The following PLXDC2 variants were observed in gnomAD, a reference collection of about 807,000 sequenced individuals.
The protein encoded by PLXDC2 is plexin domain-containing protein 2.
Under a neutral mutation model 68.9 loss-of-function variants are expected in PLXDC2, and 40 were observed. The observed-to-expected ratio is 0.58, with a 90% CI of 0.45 to 0.76. The LOEUF is 0.76. Among genes scored for constraint, PLXDC2 ranks in the 30% least tolerant of loss-of-function variants. The pLI, the probability that PLXDC2 is intolerant of heterozygous loss-of-function variation, is 0.00. For synonymous variants in PLXDC2, 243 were observed against 234.2 expected, an observed-to-expected ratio of 1.04 and a Z score of -0.34; for missense variants, 644 against 661.9, an observed-to-expected ratio of 0.97 and a Z score of 0.30.
chr10:20,055,924 G>A (rs7913118), intron 3 of PLXDC2, among the ~76,000 whole-genome samples: 113,808 of 151,984 alleles, frequency 0.75, 43,153 homozygotes, highest in East Asian at 0.89. Flanking sequence ...GGTGTGTTCT[G>A]GTCTTCAACT....
chr10:19,897,600 A>T (rs1209328601), intron 1 of PLXDC2, among the ~76,000 whole-genome samples: 1 of 152,196 alleles, frequency 6.6e-6, no homozygotes, highest in African/African-American at 2.4e-5. Flanking sequence ...AACAGAAAAC[A>T]TAAGTACATG....
intron 1 of PLXDC2, among the ~76,000 whole-genome samples, chr10:19,910,349 G>T (rs568859372): frequency 6.6e-6 from 1 of 151,748 alleles, no homozygotes; most frequent in Non-Finnish European, 1.5e-5. Flanking sequence ...TGTGTTTCTC[G>T]CATTTTTCTA....
intron 7 of PLXDC2, among the ~76,000 whole-genome samples, chr10:20,167,166 A>G (rs1429214986): frequency 3.9e-5 from 6 of 152,192 alleles, no homozygotes; most frequent in African/African-American, 1.4e-4. Context: ...TTTATGCAAG[A>G]AAATTAGAAT....
intron 4 of PLXDC2, among the ~76,000 whole-genome samples, chr10:20,069,915 A>G (rs1190545203): frequency 6.6e-6 from 1 of 152,222 alleles, no homozygotes; most frequent in African/African-American, 2.4e-5. Context: ...TGAGACATCT[A>G]TGAGTTTCAA....
chr10:20,113,230 AC>A (rs34841277), intron 4 of PLXDC2, among the ~76,000 whole-genome samples: 31,366 of 152,080 alleles, frequency 0.21, 4,567 homozygotes, highest in African/African-American at 0.4. Context: ...TTATTGTAAT[AC>A]CTTACACTGT....
chr10:20,242,322 C>T (rs1835527201), intron 12 of PLXDC2, among the ~76,000 whole-genome samples: 1 of 152,106 alleles, frequency 6.6e-6, no homozygotes, highest in African/African-American at 2.4e-5. Context: ...CAACCTGCCT[C>T]ATATAAAAAG....
chr10:20,056,628 T>C (rs1836004506), intron 3 of PLXDC2, among the ~76,000 whole-genome samples: 1 of 152,138 alleles, frequency 6.6e-6, no homozygotes, highest in Non-Finnish European at 1.5e-5. Flanking sequence ...CCTTAAGAAA[T>C]TCACATTGAT....
intron 9 of PLXDC2, among the ~76,000 whole-genome samples, chr10:20,205,881 T>C (rs955273133): frequency 2.0e-5 from 3 of 152,114 alleles, no homozygotes; most frequent in African/African-American, 4.8e-5. Context: ...TTGAGATATA[T>C]TGCACAACAC....
chr10:20,139,251 G>A (rs1564329691), intron 4 of PLXDC2, among the ~76,000 whole-genome samples: 1 of 152,180 alleles, frequency 6.6e-6, no homozygotes, highest in Non-Finnish European at 1.5e-5. Context: ...TAGTTGTTAA[G>A]GCAAAATGGA....
intron 2 of PLXDC2, among the ~76,000 whole-genome samples, chr10:20,034,134 A>G (rs1835542749): frequency 6.6e-6 from 1 of 152,310 alleles, no homozygotes; most frequent in East Asian, 1.9e-4. Context: ...TTGAAATATT[A>G]TAAGTTTGAA....
intron 1 of PLXDC2, among the ~76,000 whole-genome samples, chr10:19,851,121 C>T (rs567324881): frequency 6.6e-6 from 1 of 152,210 alleles, no homozygotes; most frequent in South Asian, 2.1e-4. Flanking sequence ...GATGTCTTCA[C>T]AGTGCTATGG....
At chr10:19,992,535 ATAAGATAAGAGATTATCAT>A (rs1765337498) in intron 1 of PLXDC2, among the ~76,000 whole-genome samples, 1 of 152,178 alleles carries the variant, frequency 6.6e-6, no homozygotes, top group Non-Finnish European at 1.5e-5. Context: ...TCCTTTTATT[ATAAGATAAGAGATTATCAT>A]TATCACAGTA....
intron 12 of PLXDC2, among the ~76,000 whole-genome samples, chr10:20,234,141 T>C (rs1835401318): frequency 6.6e-6 from 1 of 151,940 alleles, no homozygotes; most frequent in African/African-American, 2.4e-5. Flanking sequence ...AATCACAGAG[T>C]TTTAAAGTCC....
intron 2 of PLXDC2, among the ~76,000 whole-genome samples, chr10:20,004,933 G>T (rs1835002510): frequency 1.3e-5 from 2 of 152,194 alleles, no homozygotes; most frequent in South Asian, 4.1e-4. Flanking sequence ...CCAGGGCTAA[G>T]AGCTGCCAGG....
chr10:20,044,466 C>A (rs1234426000), intron 2 of PLXDC2, among the ~76,000 whole-genome samples: 2 of 151,792 alleles, frequency 1.3e-5, no homozygotes, highest in Admixed American at 1.3e-4. Context: ...TCTGCCATCA[C>A]GCCTGGCTAT....
At chr10:20,042,151 C>G (rs1463740195) in intron 2 of PLXDC2, among the ~76,000 whole-genome samples, 1 of 152,100 alleles carries the variant, frequency 6.6e-6, no homozygotes, top group Non-Finnish European at 1.5e-5. Flanking sequence ...CATGCTTATT[C>G]TGGCCAGTAG....
In PLXDC2 at chr10:19,836,813, T is replaced by A. The variant is rs566872330; in HGVS notation, c.112+19622T>A. 3.3e-5 allele frequency among the ~76,000 whole-genome samples: 5 copies of A among 152,328 alleles called. No homozygotes were observed. The South Asian group carries it at 1.0e-3, about 32-fold the overall frequency. ...CCAATAAGGAGATCGGGAATTACAA[T>A]AATAAATAGAAGAAAGAATGTTGTT... is the stretch of plus-strand genomic sequence containing the variant. On this transcript the variant is annotated intron_variant, in intron 1 of 13. Coordinates refer to ENST00000377252, the MANE Select transcript of PLXDC2 (RefSeq NM_032812.9).
At chr10:19,877,872 A>G (rs941326929) in intron 1 of PLXDC2, among the ~76,000 whole-genome samples, 3 of 152,250 alleles carry the variant, frequency 2.0e-5, no homozygotes, top group South Asian at 2.1e-4. Context: ...TTGGTCCTCA[A>G]CATGGGTTTT....
At chr10:19,844,375 T>C (rs893608501) in intron 1 of PLXDC2, among the ~76,000 whole-genome samples, 1 of 152,176 alleles carries the variant, frequency 6.6e-6, no homozygotes, top group African/African-American at 2.4e-5. Context: ...GCTGGACATT[T>C]TCCTGGATGC....
Sources: gnomAD v4.1 joint callset for allele counts (sites outside exome capture counted in the v4.1 genomes callset) on GRCh38, gnomAD v4.1.1 for gene constraint, MANE v1.5 for transcripts, NCBI Gene and HGNC (gene_info 2026-07-23, HGNC 2026-07-21) for gene names.